CA5B: variants seen among roughly 807,000 people sequenced by gnomAD.
The protein encoded by CA5B is carbonic anhydrase 5B, also known as carbonic anhydrase 5B, mitochondrial.
In CA5B, 15 loss-of-function variants were observed where a neutral mutation model predicts 23.1. That is an observed-to-expected ratio of 0.65 (90% CI 0.43 to 1.00). The LOEUF (loss-of-function observed/expected upper bound fraction) is 1.00, where lower values mean the gene tolerates loss of function less well. Among genes scored for constraint, CA5B ranks in the 50% least tolerant of loss-of-function variants. The pLI is 0.00. For synonymous variants in CA5B, 84 were observed against 98.5 expected (o/e 0.85, Z 0.87); for missense variants, 236 against 252.2 (o/e 0.94, Z 0.43).
intron 3 of CA5B, among the ~76,000 whole-genome samples, chrX:15,771,200 TCTA>T (rs1931812080): frequency 2.1e-5 from 1 of 48,023 alleles, no homozygotes. Context: ...AAACCTCATC[TCTA>T]CAAAAAAAAA....
At chrX:15,750,877 C>G (rs1931343016) in intron 2 of CA5B, among the ~76,000 whole-genome samples, 1 of 111,508 alleles carries the variant, frequency 9.0e-6, no homozygotes, top group South Asian at 3.7e-4. Context: ...GAGGATGGAT[C>G]ATTGTGTGTT....
intron 4 of CA5B, among the ~76,000 whole-genome samples, chrX:15,773,095 TG>T (rs1430429677): frequency 9.0e-6 from 1 of 111,360 alleles, no homozygotes; most frequent in Non-Finnish European, 1.9e-5. Context: ...GGAGGCTGGG[TG>T]ATAATGCACT....
In CA5B at chrX:15,748,720, G is replaced by A. The variant is rs776208875; in HGVS notation, c.-53-1251G>A. Among the ~76,000 whole-genome samples the A allele has an allele frequency of 8.9e-3, 315 of 35,226 alleles. 2 individuals are homozygous for A. Among genetic ancestry groups the A allele is most frequent in the African/African-American group, 0.03 (296 of 9,802 alleles). 30.6% of individuals were successfully genotyped at this position (35,226 alleles called of 115,157 possible). ...TAATATAGTGAGAACCCCCCCCCCC[G>A]CCCCCGCCAACCCCCATCTCTAAAA... On this transcript the variant is annotated intron_variant, in intron 1 of 7. Transcript: ENST00000318636.
intron 2 of CA5B, among the ~76,000 whole-genome samples, chrX:15,752,933 C>G (rs1354163768): frequency 1.8e-5 from 2 of 111,589 alleles, no homozygotes; most frequent in African/African-American, 6.5e-5. Flanking sequence ...GGTCTTTAGA[C>G]AAACTCAACC....
chrX:15,765,257 A>T, intron 3 of CA5B: 2 of 332,680 alleles, frequency 6.0e-6, no homozygotes, highest in Non-Finnish European at 7.9e-6. Context: ...TGTATTAGAG[A>T]AATGGAAACT....
intron 3 of CA5B, chrX:15,768,638 T>G (rs1227148948): frequency 9.0e-6 from 1 of 111,588 alleles, no homozygotes. Context: ...TTTTCCACCT[T>G]TCAGTGACTG....
intron 7 of CA5B, among the ~76,000 whole-genome samples, chrX:15,777,680 A>G (rs941573594): frequency 8.9e-6 from 1 of 112,558 alleles, no homozygotes; most frequent in African/African-American, 3.2e-5. Flanking sequence ...GAATGATATT[A>G]ATGTAATTCA....
At chrX:15,748,125 G>A (rs761758404) in intron 1 of CA5B, among the ~76,000 whole-genome samples, 4 of 112,107 alleles carry the variant, frequency 3.6e-5, no homozygotes, top group Admixed American at 9.4e-5. Context: ...TTGCAAAGGG[G>A]CTTTCTACTT....
At chrX:15,775,937 A>G in intron 6 of CA5B, 4 of 747,659 alleles carry the variant, frequency 5.4e-6, no homozygotes, top group Non-Finnish European at 6.3e-6. Context: ...CTCTCCTCTC[A>G]TCTCCATTTT....
intron 3 of CA5B, among the ~76,000 whole-genome samples, chrX:15,772,118 A>G (rs1024750181): frequency 8.9e-6 from 1 of 112,418 alleles, no homozygotes; most frequent in Non-Finnish European, 1.9e-5. Flanking sequence ...GTGTCTGTGC[A>G]TAAAAAAAGA....
intron 2 of CA5B, among the ~76,000 whole-genome samples, chrX:15,752,731 A>C (rs1011946611): frequency 9.0e-6 from 1 of 111,237 alleles, no homozygotes; most frequent in African/African-American, 3.3e-5. Flanking sequence ...TCTCAAAAAA[A>C]AAAAAAATCT....
chrX:15,739,127 G>T, intron 1 of CA5B, among the ~76,000 whole-genome samples: 1 of 112,300 alleles, frequency 8.9e-6, no homozygotes, highest in Non-Finnish European at 1.9e-5. Context: ...CTTCCCTCCT[G>T]TGTATTTTCG....
chrX:15,770,652 C>T (rs1322173206), intron 3 of CA5B, among the ~76,000 whole-genome samples: 1 of 111,397 alleles, frequency 9.0e-6, no homozygotes, highest in Non-Finnish European at 1.9e-5. Flanking sequence ...CACCTTTTTC[C>T]TTTAATCTTG....
At chrX:15,766,050 G>A (rs778672619) in intron 3 of CA5B, among the ~76,000 whole-genome samples, 9 of 106,192 alleles carry the variant, frequency 8.5e-5, no homozygotes, top group Non-Finnish European at 1.4e-4. Context: ...CCAGCTACTC[G>A]GGAGGCTGAG....
chrX:15,746,266 C>T (rs1044969114), intron 1 of CA5B, among the ~76,000 whole-genome samples: 9 of 110,177 alleles, frequency 8.2e-5, no homozygotes, highest in African/African-American at 2.6e-4. Flanking sequence ...AGGATGGTCT[C>T]GATCTCCTGA....
intron 7 of CA5B, among the ~76,000 whole-genome samples, chrX:15,778,750 G>A (rs1034207544): frequency 9.0e-5 from 10 of 110,981 alleles, no homozygotes; most frequent in African/African-American, 3.3e-4. Flanking sequence ...CATGGTGGCA[G>A]AAGAGAGAGA....
intron 2 of CA5B, among the ~76,000 whole-genome samples, chrX:15,763,359 T>C (rs929321387): frequency 8.9e-6 from 1 of 112,620 alleles, no homozygotes; most frequent in Admixed American, 9.4e-5. Context: ...AAAGCCACTT[T>C]GGGGAGTTGG....
At chrX:15,750,215 G>A in intron 2 of CA5B, 50 bp downstream of exon 2, 1 of 991,421 alleles carries the variant, frequency 1.0e-6, no homozygotes, top group Non-Finnish European at 1.4e-6. Context: ...CAGCCTGAGT[G>A]ACAGAGTGAA....
chrX:15,759,734 C>CTT lies in CA5B; in HGVS notation c.143-4813_143-4812dup, dbSNP rs56915078. 5.1e-4 allele frequency among the ~76,000 whole-genome samples: 19 copies of CTT among 37,415 alleles called. 1 individual carries two copies. The highest frequency in any genetic ancestry group is 1.7e-3 in the African/African-American group (13 of 7,626). The allele number at this position is 37,415 out of a possible 115,157, so 32.5% of individuals were successfully genotyped here. ...CCCATCAGCTAGAAATTACTGACAC[C>CTT]TTTTTTTTTTTTTTTTTTTTTTTTT... On this transcript the variant is annotated intron_variant, in intron 2 of 7. Transcript: ENST00000318636.
Sources: gnomAD v4.1 joint callset for allele counts (sites outside exome capture counted in the v4.1 genomes callset) on GRCh38, gnomAD v4.1.1 for gene constraint, MANE v1.5 for transcripts, NCBI Gene and HGNC (gene_info 2026-07-23, HGNC 2026-07-21) for gene names.